FBXL7: variants seen among roughly 807,000 people sequenced by gnomAD.
The protein encoded by FBXL7 is F-box and leucine rich repeat protein 7.
FBXL7 carries 12 observed loss-of-function variants against 38.3 expected under a neutral mutation model. That is an observed-to-expected ratio of 0.31 (90% CI 0.20 to 0.51). FBXL7 has a LOEUF of 0.51. Among genes scored for constraint, FBXL7 ranks in the 20% least tolerant of loss-of-function variants. FBXL7 has a pLI of 0.98. For synonymous variants in FBXL7, 297 were observed against 300.9 expected (o/e 0.99, Z 0.13); for missense variants, 567 against 676.4 (o/e 0.84, Z 1.79).
At chr5:15,925,881 G>A (rs986227722) in intron 2 of FBXL7, among the ~76,000 whole-genome samples, 1 of 152,206 alleles carries the variant, frequency 6.6e-6, no homozygotes, top group Admixed American at 6.5e-5. Flanking sequence ...AGTAGAAAGT[G>A]TACTTTGAGT....
chr5:15,640,169 T>C (rs949134829), intron 2 of FBXL7, among the ~76,000 whole-genome samples: 2 of 152,142 alleles, frequency 1.3e-5, no homozygotes, highest in Non-Finnish European at 2.9e-5. Flanking sequence ...TAGCAACTTA[T>C]TGTTTTGTGG....
At chr5:15,683,552 G>A (rs1742917888) in intron 2 of FBXL7, among the ~76,000 whole-genome samples, 1 of 152,078 alleles carries the variant, frequency 6.6e-6, no homozygotes, top group African/African-American at 2.4e-5. Flanking sequence ...TCATAAAGAG[G>A]GTGGAAATTT....
intron 2 of FBXL7, among the ~76,000 whole-genome samples, chr5:15,897,731 A>G (rs1414693588): frequency 6.6e-6 from 1 of 152,222 alleles, no homozygotes; most frequent in Admixed American, 6.5e-5. Context: ...AGGATGAAAA[A>G]TTGTGTTGAA....
chr5:15,824,767 A>T (rs1051985829), intron 2 of FBXL7, among the ~76,000 whole-genome samples: 1 of 152,172 alleles, frequency 6.6e-6, no homozygotes, highest in Non-Finnish European at 1.5e-5. Flanking sequence ...TTTACACTAG[A>T]TATTTGGAAT....
At chr5:15,686,598 G>C (rs1395417515) in intron 2 of FBXL7, among the ~76,000 whole-genome samples, 1 of 152,034 alleles carries the variant, frequency 6.6e-6, no homozygotes, top group Non-Finnish European at 1.5e-5. Context: ...TGGCCCTCTA[G>C]GGATATTATT....
At chr5:15,778,344 A>T (rs777810700) in intron 2 of FBXL7, among the ~76,000 whole-genome samples, 4 of 152,102 alleles carry the variant, frequency 2.6e-5, no homozygotes, top group African/African-American at 9.7e-5. Context: ...TTTCTATCTC[A>T]AATTTCCTGC....
At chr5:15,565,861 G>T (rs1451332242) in intron 1 of FBXL7, among the ~76,000 whole-genome samples, 1 of 152,068 alleles carries the variant, frequency 6.6e-6, no homozygotes, top group Non-Finnish European at 1.5e-5. Flanking sequence ...TTGGATGAGG[G>T]TGACCCATAT....
chr5:15,657,142 G>A (rs955812525), intron 2 of FBXL7, among the ~76,000 whole-genome samples: 1 of 152,148 alleles, frequency 6.6e-6, no homozygotes, highest in African/African-American at 2.4e-5. Context: ...TTATAAAAAT[G>A]TCACTTATTT....
chr5:15,570,504 G>T (rs1738740427), intron 1 of FBXL7, among the ~76,000 whole-genome samples: 1 of 151,660 alleles, frequency 6.6e-6, no homozygotes, highest in Admixed American at 6.6e-5. Flanking sequence ...TTCTTTATTA[G>T]TCTTGCTGTC....
chr5:15,862,309 G>A (rs531994405), intron 2 of FBXL7, among the ~76,000 whole-genome samples: 5 of 152,176 alleles, frequency 3.3e-5, no homozygotes, highest in South Asian at 4.2e-4. Context: ...CATGTGAAAC[G>A]TGCCTTTCAC....
intron 2 of FBXL7, among the ~76,000 whole-genome samples, chr5:15,651,534 A>G (rs947575610): frequency 2.6e-5 from 4 of 152,218 alleles, no homozygotes; most frequent in Non-Finnish European, 5.9e-5. Flanking sequence ...GACCAGATGC[A>G]TTGTCAGTGA....
At chr5:15,823,650 T>C (rs1308487595) in intron 2 of FBXL7, among the ~76,000 whole-genome samples, 3 of 152,164 alleles carry the variant, frequency 2.0e-5, no homozygotes, top group African/African-American at 7.2e-5. Flanking sequence ...GAAAGCTCTT[T>C]AGCTCAGTTA....
rs1736462032 is a variant in FBXL7, at chr5:15,500,615, G to A, written c.-62G>A. On this transcript the variant is annotated 5_prime_UTR_variant, in exon 1 of 4. Transcript: ENST00000504595. ...CGGGCGGGCTTTCCTCGGGCCGAGC[G>A]CGCAGGACGTGCGCCGCAGCTATGG... 1 of 1,610,020 alleles carries A rather than the reference G, an allele frequency of 6.2e-7. No homozygotes were observed. Among genetic ancestry groups the A allele is most frequent in the Non-Finnish European group, 8.5e-7 (1 of 1,176,816 alleles).
chr5:15,938,692 A>G lies in FBXL7; in HGVS notation c.*1506A>G. 1 of 250,216 alleles carries G rather than the reference A, an allele frequency of 4.0e-6. No individual in the cohort carries two copies. The highest frequency in any genetic ancestry group is 7.5e-6 in the Non-Finnish European group (1 of 132,818). The allele number at this position is 250,216 out of a possible 1,614,324, so 15.5% of individuals were successfully genotyped here. The stretch of plus-strand genomic sequence containing the variant: ...ACTTAGACTCTGGTCCACCAACCAG[A>G]CCCTTGGAAAGGAATACTAAAATCA... On this transcript the variant is annotated 3_prime_UTR_variant, in exon 4 of 4. Transcript: ENST00000504595.
At chr5:15,689,144 C>T (rs1743103167) in intron 2 of FBXL7, among the ~76,000 whole-genome samples, 1 of 152,190 alleles carries the variant, frequency 6.6e-6, no homozygotes, top group African/African-American at 2.4e-5. Context: ...GCTCCTATTG[C>T]TGCTTGCTGA....
At chr5:15,807,810 C>T (rs1737756250) in intron 2 of FBXL7, among the ~76,000 whole-genome samples, 1 of 152,046 alleles carries the variant, frequency 6.6e-6, no homozygotes, top group Admixed American at 6.6e-5. Context: ...AGCAGCAGGG[C>T]ACCCCCAGAA....
chr5:15,684,089 A>G (rs1742935257), intron 2 of FBXL7, among the ~76,000 whole-genome samples: 1 of 152,170 alleles, frequency 6.6e-6, no homozygotes, highest in African/African-American at 2.4e-5. Context: ...ACATGCTCCC[A>G]TTAGTGCATC....
rs184475473 is a variant in FBXL7, at chr5:15,930,129, G to A, written c.739+1628G>A. The stretch of plus-strand genomic sequence containing the variant: ...CAGTTGGCTTCAAGACAAAACCATA[G>A]CAGCCATATGTTCAGTTAGTCATGA... On this transcript the variant is annotated intron_variant, in intron 3 of 3. Transcript: ENST00000504595. Among the ~76,000 whole-genome samples, 836 of 152,286 alleles carry A rather than the reference G, an allele frequency of 5.5e-3. 5 individuals carry two copies. The highest frequency in any genetic ancestry group is 0.019 in the African/African-American group (792 of 41,548).
At chr5:15,587,792 G>A (rs1739345757) in intron 1 of FBXL7, among the ~76,000 whole-genome samples, 1 of 152,124 alleles carries the variant, frequency 6.6e-6, no homozygotes, top group Non-Finnish European at 1.5e-5. Context: ...GCCCTCTAGA[G>A]ATAATAGTTT....
Sources: allele counts gnomAD v4.1 joint callset (sites outside exome capture counted in the v4.1 genomes callset), GRCh38; gene constraint gnomAD v4.1.1; transcripts MANE v1.5; gene names NCBI Gene and HGNC (gene_info 2026-07-23, HGNC 2026-07-21).